LRRIQ3: variants seen among roughly 807,000 people sequenced by gnomAD.
LRRIQ3 encodes leucine rich repeats and IQ motif containing 3, also known as leucine-rich repeat and IQ domain-containing protein 3.
A neutral mutation model predicts 59.3 loss-of-function variants in LRRIQ3; 75 were observed. The observed-to-expected ratio is 1.26, with a 90% CI of 1.05 to 1.53. The LOEUF (loss-of-function observed/expected upper bound fraction) is 1.53. Ranked by LOEUF, LRRIQ3 falls within the 40% of genes most tolerant of loss-of-function variation. LRRIQ3 has a pLI of 0.00. For synonymous variants in LRRIQ3, 250 were observed against 231.3 expected (o/e 1.08, Z -0.73); for missense variants, 831 against 710.0 (o/e 1.17, Z -1.94).
At chr1:74,165,196 T>C (rs1395670149) in intron 3 of LRRIQ3, among the ~76,000 whole-genome samples, 1 of 151,622 alleles carries the variant, frequency 6.6e-6, no homozygotes, top group Admixed American at 6.6e-5. Flanking sequence ...ATCTACAATC[T>C]TATGGAATTT....
At chr1:74,128,139 G>A (rs1646962896) in intron 4 of LRRIQ3, among the ~76,000 whole-genome samples, 1 of 151,926 alleles carries the variant, frequency 6.6e-6, no homozygotes, top group Admixed American at 6.6e-5. Context: ...GCTGCTTTCA[G>A]GAATTTTTCT....
At chr1:74,159,108 T>C (rs1238317050) in intron 3 of LRRIQ3, among the ~76,000 whole-genome samples, 1 of 152,182 alleles carries the variant, frequency 6.6e-6, no homozygotes. Flanking sequence ...TTCCTCCTTA[T>C]AAATGAGAAA....
chr1:74,099,211 T>C (rs1646494428), intron 5 of LRRIQ3, among the ~76,000 whole-genome samples: 1 of 151,978 alleles, frequency 6.6e-6, no homozygotes. Context: ...CAATAAAAAA[T>C]GATAAAGGGG....
chr1:74,075,214 A>G (rs1202878858), intron 5 of LRRIQ3, among the ~76,000 whole-genome samples: 1 of 152,118 alleles, frequency 6.6e-6, no homozygotes, highest in Non-Finnish European at 1.5e-5. Flanking sequence ...GAGGAAAAGG[A>G]GGGACAATAA....
intron 4 of LRRIQ3, among the ~76,000 whole-genome samples, chr1:74,127,608 C>T (rs1207634603): frequency 6.6e-6 from 1 of 151,752 alleles, no homozygotes; most frequent in Non-Finnish European, 1.5e-5. Flanking sequence ...AAAAATTCGA[C>T]ACTGGACTTC....
chr1:74,167,186 C>T (rs1305947431), intron 3 of LRRIQ3, among the ~76,000 whole-genome samples: 1 of 151,794 alleles, frequency 6.6e-6, no homozygotes, highest in Non-Finnish European at 1.5e-5. Flanking sequence ...TTTGGAATTG[C>T]AAAAATATGG....
chr1:74,120,611 A>G (rs1244557195), intron 4 of LRRIQ3, among the ~76,000 whole-genome samples: 1 of 151,994 alleles, frequency 6.6e-6, no homozygotes, highest in Non-Finnish European at 1.5e-5. Flanking sequence ...AATACATTAT[A>G]TAATAATCTA....
chr1:74,088,905 C>T (rs1320297260), intron 5 of LRRIQ3, among the ~76,000 whole-genome samples: 1 of 151,872 alleles, frequency 6.6e-6, no homozygotes, highest in African/African-American at 2.4e-5. Context: ...AAATAACTCA[C>T]AAATTATATA....
At chr1:74,168,572 T>G (rs746901128) in intron 3 of LRRIQ3, among the ~76,000 whole-genome samples, 3 of 152,122 alleles carry the variant, frequency 2.0e-5, no homozygotes, top group African/African-American at 7.2e-5. Context: ...ATTTAGACCA[T>G]TTACTGTAAA....
At chr1:74,124,872 A>G (rs2100594963) in intron 4 of LRRIQ3, among the ~76,000 whole-genome samples, 1 of 151,492 alleles carries the variant, frequency 6.6e-6, no homozygotes, top group Admixed American at 6.6e-5. Flanking sequence ...AAATTTTAGG[A>G]TTGTTTTCTC....
At chr1:74,096,965 G>T (rs537185650) in intron 5 of LRRIQ3, among the ~76,000 whole-genome samples, 2 of 152,140 alleles carry the variant, frequency 1.3e-5, no homozygotes, top group African/African-American at 2.4e-5. Context: ...CCTACTGGGG[G>T]ATGCCTCCCA....
chr1:74,137,831 A>G (rs188180543), intron 4 of LRRIQ3, among the ~76,000 whole-genome samples: 35 of 152,066 alleles, frequency 2.3e-4, no homozygotes, highest in Admixed American at 2.0e-3. Context: ...TTCTCAGGAA[A>G]CTAACACAAG....
intron 7 of LRRIQ3, among the ~76,000 whole-genome samples, chr1:74,031,993 T>G (rs886564596): frequency 3.3e-5 from 5 of 151,764 alleles, no homozygotes; most frequent in Non-Finnish European, 7.4e-5. Flanking sequence ...AGATCTAAAT[T>G]AATGGGGAGT....
In LRRIQ3 at chr1:74,195,433, T is replaced by A. The variant is rs149535085; in HGVS notation, c.-1+2563A>T. On this transcript the variant is annotated intron_variant, in intron 1 of 7. Coordinates refer to ENST00000354431, the MANE Select transcript of LRRIQ3 (RefSeq NM_001105659.2). Reference sequence around the variant, plus strand: ...CTTCTCTATAATTTCCACACAACAGTCATAGTTATATGCCTGTAGTAATAA... The same window carrying A: ...CTTCTCTATAATTTCCACACAACAGACATAGTTATATGCCTGTAGTAATAA... 1.2e-4 allele frequency among the ~76,000 whole-genome samples: 19 copies of A among 152,276 alleles called. 1 individual carries two copies. The East Asian group carries it at 3.7e-3, about 29-fold the overall frequency.
chr1:74,097,169 A>G (rs965568140), intron 5 of LRRIQ3, among the ~76,000 whole-genome samples: 24 of 152,154 alleles, frequency 1.6e-4, no homozygotes, highest in African/African-American at 5.5e-4. Flanking sequence ...TTGAAAAAAG[A>G]TTAGATGAAT....
At chr1:74,118,154 T>C (rs1410949183) in intron 4 of LRRIQ3, among the ~76,000 whole-genome samples, 1 of 152,124 alleles carries the variant, frequency 6.6e-6, no homozygotes, top group Non-Finnish European at 1.5e-5. Context: ...CACATGTATA[T>C]GTACACATTT....
chr1:74,051,203 C>T (rs974305772), intron 6 of LRRIQ3, among the ~76,000 whole-genome samples: 9 of 152,084 alleles, frequency 5.9e-5, no homozygotes, highest in African/African-American at 2.2e-4. Context: ...TGTTAACCAC[C>T]AACCCTTATT....
chr1:74,079,059 A>G (rs1646242392), intron 5 of LRRIQ3, among the ~76,000 whole-genome samples: 2 of 151,676 alleles, frequency 1.3e-5, no homozygotes, highest in Non-Finnish European at 3.0e-5. Flanking sequence ...ATAATTGTCT[A>G]TTTCTGGTCA....
chr1:74,057,784 C>T (rs558193617), intron 6 of LRRIQ3, among the ~76,000 whole-genome samples: 4 of 151,986 alleles, frequency 2.6e-5, no homozygotes, highest in Non-Finnish European at 5.9e-5. Flanking sequence ...GCAAAGGAAC[C>T]AATCAGCAGA....
Sources: allele counts gnomAD v4.1 joint callset (sites outside exome capture counted in the v4.1 genomes callset), GRCh38; gene constraint gnomAD v4.1.1; transcripts MANE v1.5; gene names NCBI Gene and HGNC (gene_info 2026-07-23, HGNC 2026-07-21).